The following ARMCX4 variants were observed in gnomAD, a reference collection of about 807,000 sequenced individuals.
ARMCX4 encodes the protein armadillo repeat containing X-linked 4, also known as armadillo repeat-containing X-linked protein 4.
Under a neutral mutation model 34.7 loss-of-function variants are expected in ARMCX4, and 3 were observed. The observed-to-expected ratio is 0.09, with a 90% CI of 0.04 to 0.22. ARMCX4 has a LOEUF of 0.22. ARMCX4 is among the 10% of genes least tolerant of loss of function. The probability of loss-of-function intolerance (pLI) is 1.00; values close to 1 mark genes in which losing one functional copy is unlikely to be tolerated. For missense variants in ARMCX4, 1,448 were observed against 1,720.8 expected (o/e 0.84, Z 2.81); for synonymous variants, 513 against 632.8 (o/e 0.81, Z 2.84).
intron 11 of ARMCX4, among the ~76,000 whole-genome samples, chrX:101,527,049 G>A (rs782566480): frequency 7.5e-4 from 84 of 111,386 alleles, no homozygotes; most frequent in South Asian, 7.5e-4. Flanking sequence ...GCACCACATC[G>A]CACTTATTCC....
chrX:101,485,018 G>T (rs1184688828), upstream of ARMCX4, among the ~76,000 whole-genome samples: 1 of 111,452 alleles, frequency 9.0e-6, no homozygotes, highest in African/African-American at 3.3e-5. Flanking sequence ...TGCAGGCATT[G>T]TACTTAGAGA....
downstream of ARMCX4, among the ~76,000 whole-genome samples, chrX:101,450,464 C>A (rs962629859): frequency 8.9e-6 from 1 of 111,755 alleles, no homozygotes; most frequent in Non-Finnish European, 1.9e-5. Flanking sequence ...TCCTTCAGGG[C>A]AGTGAACTCC....
At position 101,432,400 on chromosome X, in the gene ARMCX4, T is replaced by G. The variant is rs182781828; in HGVS notation, n.165-11652T>G. On this transcript the variant is annotated intron_variant and non_coding_transcript_variant, in intron 2 of 3. Coordinates refer to the ARMCX4 transcript ENST00000430461. ...ATATAGGGCTGGGCGCGGTGGCTCA[T>G]GCCTGTAATCCCAGCACTTTGGGAG... 2.7e-5 allele frequency among the ~76,000 whole-genome samples: 3 copies of G among 111,677 alleles called. No homozygotes were observed. The East Asian group carries it at 8.4e-4, about 31-fold the overall frequency.
chrX:101,460,085 GACAA>G (rs1256249113), intron 4 of ARMCX4, among the ~76,000 whole-genome samples: 2 of 112,785 alleles, frequency 1.8e-5, no homozygotes, highest in Non-Finnish European at 3.8e-5. Flanking sequence ...CTGGCTAATA[GACAA>G]ACAAACAAAT....
intron 11 of ARMCX4, among the ~76,000 whole-genome samples, chrX:101,527,864 A>T (rs1935015534): frequency 8.9e-6 from 1 of 111,793 alleles, no homozygotes. Context: ...AAAAAAGTCC[A>T]GGACCAGACG....
upstream of ARMCX4, chrX:101,485,445 T>G: frequency 1.6e-6 from 1 of 642,383 alleles, no homozygotes; most frequent in East Asian, 1.6e-4. Context: ...GCAGCCTTCG[T>G]TGCAGTCGTC....
At chrX:101,431,546 C>T (rs782015458) in intron 2 of ARMCX4, among the ~76,000 whole-genome samples, 7 of 108,468 alleles carry the variant, frequency 6.5e-5, no homozygotes, top group Admixed American at 1.0e-4. Context: ...TTATGCACCA[C>T]GTTTCTTTTT....
chrX:101,533,030 T>A (rs1176117060), intron 12 of ARMCX4: 1 of 109,839 alleles, frequency 9.1e-6, no homozygotes, highest in Admixed American at 9.8e-5. Flanking sequence ...CACATCCTGA[T>A]TCATTTCCTG....
At chrX:101,479,673 G>T (rs1556005006) in intron 4 of ARMCX4, among the ~76,000 whole-genome samples, 4 of 109,235 alleles carry the variant, frequency 3.7e-5, no homozygotes, top group African/African-American at 1.3e-4. Flanking sequence ...TAAAGACGAG[G>T]TTTCACGATG....
intron 4 of ARMCX4, among the ~76,000 whole-genome samples, chrX:101,477,560 G>T (rs1340919438): frequency 9.3e-5 from 10 of 107,129 alleles, no homozygotes; most frequent in Non-Finnish European, 1.3e-4. Context: ...AGCCTTTAAG[G>T]AATGGAAAAA....
At chrX:101,499,700 G>T (rs1327023230), downstream of ARMCX4, among the ~76,000 whole-genome samples, 2 of 112,060 alleles carry the variant, frequency 1.8e-5, no homozygotes, top group Non-Finnish European at 3.8e-5. Flanking sequence ...GGGGAGGCCT[G>T]ACCTGCAGAG....
chrX:101,509,837 A>G (rs1934537152), intron 10 of ARMCX4, among the ~76,000 whole-genome samples: 1 of 112,140 alleles, frequency 8.9e-6, no homozygotes, highest in African/African-American at 3.2e-5. Flanking sequence ...TTGGCTGGAG[A>G]TGGAATTTTG....
rs148273617 is a variant in ARMCX4 at position 101,470,412 on chromosome X, A to G, written c.-472-15611A>G. 7.6e-3 allele frequency among the ~76,000 whole-genome samples: 835 copies of G among 110,529 alleles called. 6 individuals are homozygous for G. Among genetic ancestry groups the G allele is most frequent in the African/African-American group, 0.026 (802 of 30,331 alleles). On this transcript the variant is annotated intron_variant and NMD_transcript_variant, in intron 4 of 15. Transcript: ENST00000433011. ...ACTGCAACCTTCACCCCCTGGGTTC[A>G]AGTGATTCTTATGCCTCAGCCTCCC...
At chrX:101,446,953 CAA>C (rs140484288), downstream of ARMCX4, among the ~76,000 whole-genome samples, 39 of 96,116 alleles carry the variant, frequency 4.1e-4, no homozygotes, top group Non-Finnish European at 3.7e-4. Flanking sequence ...GACTCCGTCT[CAA>C]AAAAAAAAAA....
chrX:101,531,613 C>T (rs2091918684), intron 11 of ARMCX4: 1 of 111,684 alleles, frequency 9.0e-6, no homozygotes, highest in African/African-American at 3.2e-5. Context: ...TGCAAATAGT[C>T]ATATTTTTAT....
chrX:101,497,134 A>G (rs1934194953), downstream of ARMCX4, among the ~76,000 whole-genome samples: 1 of 112,546 alleles, frequency 8.9e-6, no homozygotes, highest in African/African-American at 3.2e-5. Context: ...TTTAATGAAG[A>G]AAAAGTATAT....
Position 101,487,291 on chromosome X carries a change from T to A in ARMCX4, c.-287+19T>A. On this transcript the variant is annotated intron_variant, in intron 3 of 5. Coordinates refer to ENST00000423738, the MANE Select transcript of ARMCX4 (RefSeq NM_001256155.3). ...CATGGAGGTTGGTGTGAAGTGGGGG[T>A]AGTCTCTGGGGATGACAAGAGAGGG... 1 of 132,678 alleles carries A rather than the reference T, an allele frequency of 7.5e-6. No homozygotes were observed. Among genetic ancestry groups the A allele is most frequent in the Non-Finnish European group, 1.5e-5 (1 of 66,033 alleles). 10.9% of individuals were successfully genotyped at this position (132,678 alleles called of 1,213,427 possible). A position where few individuals can be genotyped will look rare whatever the true frequency, so the allele number is the denominator to read the frequency against.
exon 8 of ARMCX4, chrX:101,505,302 A>T (rs1286735578): frequency 1.8e-5 from 2 of 111,038 alleles, no homozygotes; most frequent in Non-Finnish European, 3.8e-5. Context: ...GATGCCCTCA[A>T]AAGAAGTTGT....
At chrX:101,527,485 C>G (rs1276391586) in intron 11 of ARMCX4, among the ~76,000 whole-genome samples, 1 of 110,498 alleles carries the variant, frequency 9.0e-6, no homozygotes, top group Non-Finnish European at 1.9e-5. Flanking sequence ...AAAATCAGAG[C>G]AGAAATGAAG....
Sources: allele counts gnomAD v4.1 joint callset (sites outside exome capture counted in the v4.1 genomes callset), GRCh38; gene constraint gnomAD v4.1.1; transcripts MANE v1.5; gene names NCBI Gene and HGNC (gene_info 2026-07-23, HGNC 2026-07-21).